CLYBL: variants seen among roughly 807,000 people sequenced by gnomAD.
The protein encoded by CLYBL is citramalyl-CoA lyase.
In CLYBL, 31 loss-of-function variants were observed where a neutral mutation model predicts 38.9. The ratio of observed to expected loss-of-function variants is 0.80; its 90% CI spans 0.60 to 1.08. The LOEUF is 1.08. CLYBL is among the 50% of genes least tolerant of loss of function. The pLI is 0.00. For missense variants in CLYBL, 434 were observed against 411.6 expected (o/e 1.05, Z -0.47); for synonymous variants, 171 against 158.6 (o/e 1.08, Z -0.59).
intron 2 of CLYBL, among the ~76,000 whole-genome samples, chr13:99,850,739 G>C (rs951978141): frequency 5.3e-5 from 8 of 152,238 alleles, no homozygotes; most frequent in South Asian, 2.1e-4. Context: ...GTTCATAGCA[G>C]CATTATTCAC....
intron 7 of CLYBL, among the ~76,000 whole-genome samples, chr13:99,884,053 G>A (rs2052283929): frequency 6.6e-6 from 1 of 152,176 alleles, no homozygotes; most frequent in South Asian, 2.1e-4. Flanking sequence ...CTGGAGTGCA[G>A]TGGTGTGATC....
At chr13:99,733,845 G>T (rs1386222793) in intron 1 of CLYBL, among the ~76,000 whole-genome samples, 2 of 152,148 alleles carry the variant, frequency 1.3e-5, no homozygotes, top group Non-Finnish European at 2.9e-5. Context: ...TCTGTTTTTT[G>T]GTGGGCTTTC....
In CLYBL at chr13:99,792,585, T is replaced by TACGCCCCACCCC. The variant is rs1368034296; in HGVS notation, c.249+19576_249+19587dup. On this transcript the variant is annotated intron_variant, in intron 2 of 8. Transcript: ENST00000339105. ...AATCCCTCCACCCCACACCCCACCC[T>TACGCCCCACCCC]ACGCCCCACCCCTGGAGTTTCTCAA... Among the ~76,000 whole-genome samples, 5 of 141,132 alleles carry TACGCCCCACCCC rather than the reference T, an allele frequency of 3.5e-5. No homozygotes were observed. The East Asian group carries it at 1.1e-3, about 32-fold the overall frequency. 92.6% of individuals were successfully genotyped at this position (141,132 alleles called of 152,430 possible). A position where few individuals can be genotyped will look rare whatever the true frequency, so the allele number is the denominator to read the frequency against.
At chr13:99,796,052 C>T (rs2050015522) in intron 2 of CLYBL, among the ~76,000 whole-genome samples, 1 of 152,118 alleles carries the variant, frequency 6.6e-6, no homozygotes, top group Admixed American at 6.5e-5. Context: ...AAAACTGTTC[C>T]ACATAGTCAG....
chr13:99,658,565 G>A (rs1026793306), intron 1 of CLYBL, among the ~76,000 whole-genome samples: 7 of 152,164 alleles, frequency 4.6e-5, no homozygotes, highest in African/African-American at 1.7e-4. Flanking sequence ...CCGCGGAGTT[G>A]GGGTAGCTAG....
At chr13:99,608,948 C>T (rs1193566209) in intron 1 of CLYBL, among the ~76,000 whole-genome samples, 2 of 88,306 alleles carry the variant, frequency 2.3e-5, no homozygotes, top group South Asian at 4.1e-4. Flanking sequence ...TGAGTTTATC[C>T]TCTTGGAAGT....
chr13:99,887,185 G>A (rs2052370972), intron 7 of CLYBL, among the ~76,000 whole-genome samples: 1 of 152,140 alleles, frequency 6.6e-6, no homozygotes, highest in Non-Finnish European at 1.5e-5. Context: ...CAACCTCTAG[G>A]TTTTCTGCAC....
At chr13:99,709,438 G>T (rs907915519) in intron 1 of CLYBL, among the ~76,000 whole-genome samples, 1 of 152,172 alleles carries the variant, frequency 6.6e-6, no homozygotes, top group Non-Finnish European at 1.5e-5. Context: ...ATTGACCCGA[G>T]AACCTGCCTT....
At chr13:99,816,931 G>A (rs2806296) in intron 2 of CLYBL, among the ~76,000 whole-genome samples, 4,010 of 152,254 alleles carry the variant, frequency 0.026, 168 homozygotes, top group African/African-American at 0.091. Flanking sequence ...CTGAACGTGC[G>A]CTGCGGATAG....
chr13:99,705,622 C>T (rs1316008297), intron 1 of CLYBL, among the ~76,000 whole-genome samples: 3 of 151,446 alleles, frequency 2.0e-5, no homozygotes, highest in Admixed American at 6.6e-5. Flanking sequence ...CACAGATGAA[C>T]CTTGAAGATA....
chr13:99,802,713 T>A (rs1181215860), intron 2 of CLYBL, among the ~76,000 whole-genome samples: 1 of 152,184 alleles, frequency 6.6e-6, no homozygotes, highest in African/African-American at 2.4e-5. Flanking sequence ...ATAGACAGTG[T>A]ATTCTGCACT....
chr13:99,829,302 G>A (rs2050758937), intron 2 of CLYBL, among the ~76,000 whole-genome samples: 2 of 152,160 alleles, frequency 1.3e-5, no homozygotes, highest in Non-Finnish European at 2.9e-5. Flanking sequence ...TTGGAAATAA[G>A]CAAACTGCCA....
At chr13:99,736,405 T>G (rs556829068) in intron 1 of CLYBL, among the ~76,000 whole-genome samples, 107 of 147,030 alleles carry the variant, frequency 7.3e-4, no homozygotes, top group African/African-American at 2.6e-3. Context: ...AAAGATGAGG[T>G]TTTTTTTTTG....
chr13:99,881,184 G>A (rs986394402), intron 7 of CLYBL, among the ~76,000 whole-genome samples: 7 of 152,188 alleles, frequency 4.6e-5, no homozygotes, highest in African/African-American at 1.7e-4. Flanking sequence ...CCATAGATTA[G>A]CACAATGTGA....
In CLYBL at chr13:99,772,993, G is replaced by T; in HGVS notation, c.232G>T (p.Val78Leu). Residue 78 changes from valine (V) to leucine (L), a missense_variant, in exon 2 of 9, where the codon GTG (valine) becomes TTG (leucine). Val to Leu is a conservative substitution (Grantham distance 32, BLOSUM62 1). Coordinates refer to ENST00000339105, the MANE Select transcript of CLYBL (RefSeq NM_206808.5). ...TGCAGTGCTCGACTGTGAGGATGGAGTGGCTGCAAACAAAAAGGTAATGGC... is the reference window on the plus strand; with the variant it reads ...TGCAGTGCTCGACTGTGAGGATGGATTGGCTGCAAACAAAAAGGTAATGGC... ...DCAVLDCEDG[V>L]AANKKNEARL... 2 of 1,609,060 alleles carry T rather than the reference G, an allele frequency of 1.2e-6. No individual in the cohort carries two copies. Among genetic ancestry groups the T allele is most frequent in the Non-Finnish European group, 1.7e-6 (2 of 1,179,020 alleles).
At chr13:99,790,678 A>T (rs2049896148) in intron 2 of CLYBL, among the ~76,000 whole-genome samples, 1 of 152,178 alleles carries the variant, frequency 6.6e-6, no homozygotes, top group African/African-American at 2.4e-5. Flanking sequence ...GTTCAGAAGC[A>T]TCCAGTATTC....
intron 9 of CLYBL, among the ~76,000 whole-genome samples, chr13:99,905,460 C>T (rs1489387916): frequency 2.6e-5 from 4 of 152,122 alleles, no homozygotes; most frequent in South Asian, 2.1e-4. Context: ...GTCTTGAAGC[C>T]GCCCTAGGGC....
intron 2 of CLYBL, among the ~76,000 whole-genome samples, chr13:99,847,525 G>T (rs1200707487): frequency 6.6e-6 from 1 of 152,182 alleles, no homozygotes; most frequent in African/African-American, 2.4e-5. Flanking sequence ...GGGGAAGGCA[G>T]CTACCTTCTC....
At chr13:99,908,901 T>C (rs1267752456) in exon 10 of CLYBL, among the ~76,000 whole-genome samples, 2 of 152,314 alleles carry the variant, frequency 1.3e-5, no homozygotes, top group African/African-American at 2.4e-5. Context: ...TCCTTTATAT[T>C]GTGTTAGAGG....
Sources: gnomAD v4.1 joint callset for allele counts (sites outside exome capture counted in the v4.1 genomes callset) on GRCh38, gnomAD v4.1.1 for gene constraint, MANE v1.5 for transcripts, NCBI Gene and HGNC (gene_info 2026-07-23, HGNC 2026-07-21) for gene names.